Variants in AKAP12 observed in about 807,000 individuals in gnomAD.
The protein encoded by AKAP12 is A-kinase anchoring protein 12.
AKAP12 carries 32 observed loss-of-function variants against 79.9 expected under a neutral mutation model. The observed-to-expected ratio is 0.40, with a 90% CI of 0.30 to 0.54. The LOEUF is 0.54. Ranked by LOEUF, AKAP12 falls within the 20% of genes least tolerant of loss-of-function variation. The pLI is 0.48. For synonymous variants in AKAP12, 808 were observed against 857.0 expected (o/e 0.94, Z 1.00); for missense variants, 2,074 against 2,177.0 (o/e 0.95, Z 0.94).
chr6:151,326,963 C>T (rs1466353928), intron 3 of AKAP12, among the ~76,000 whole-genome samples: 1 of 152,096 alleles, frequency 6.6e-6, no homozygotes, highest in Non-Finnish European at 1.5e-5. Flanking sequence ...GTTACAGGCA[C>T]GTGCCACCAC....
chr6:151,305,698 T>C, intron 2 of AKAP12, 49 bp from the exon 3 acceptor site: 1 of 1,537,918 alleles, frequency 6.5e-7, no homozygotes, highest in Non-Finnish European at 8.8e-7. Context: ...GTTTCTGACT[T>C]GGTCATGAGG....
At chr6:151,289,545 G>T (rs1003841397) in intron 2 of AKAP12, among the ~76,000 whole-genome samples, 1 of 152,292 alleles carries the variant, frequency 6.6e-6, no homozygotes, top group East Asian at 1.9e-4. Context: ...CTCGTACATA[G>T]TCACTTCTTA....
chr6:151,353,394 G>C lies in AKAP12; in HGVS notation c.5003G>C (p.Gly1668Ala). 6.2e-7 allele frequency: 1 copy of C among 1,614,200 alleles called. No individual in the cohort carries two copies. The highest frequency in any genetic ancestry group is 8.5e-7 in the Non-Finnish European group (1 of 1,180,028). Residue 1668 changes from glycine to alanine, a missense_variant, in exon 4 of 5, where the codon GGT (glycine) becomes GCT (alanine). Coordinates refer to ENST00000402676, the MANE Select transcript of AKAP12 (RefSeq NM_005100.4). ...GTCCTCCCATCTGAGGAAGAGGGAG[G>C]TGGAGCTGGAACAAAGTCTGTGCCA... is the stretch of plus-strand genomic sequence containing the variant. ...EVVLPSEEEG[G>A]GAGTKSVPED...
At position 151,349,819 on chromosome 6, in the gene AKAP12, T is replaced by C; in HGVS notation, c.1428T>C (p.Pro476=). 6.2e-7 allele frequency: 1 copy of C among 1,614,096 alleles called. No homozygotes were observed. The highest frequency in any genetic ancestry group is 1.7e-5 in the Admixed American group (1 of 60,014). ...LKETCVSGED[P]TQGADLSPDE... ...AAACGTGTGTTTCCGGAGAGGACCC[T>C]ACACAGGGAGCTGACCTCAGTCCTG... Residue 476 remains proline, a synonymous_variant, in exon 4 of 5, where the codon CCT becomes CCC. Transcript: ENST00000402676.
At position 151,350,751 on chromosome 6, in the gene AKAP12, C is replaced by G; in HGVS notation, c.2360C>G (p.Ser787Cys). Reference protein sequence around the residue: ...EEKSEDSIAGSGVEHSTPDTE... With the variant: ...EEKSEDSIAGCGVEHSTPDTE... ...AAAAGCGAAGACTCCATAGCTGGGT[C>G]TGGTGTAGAACATTCCACTCCAGAC... Residue 787 changes from serine to cysteine, a missense_variant, in exon 4 of 5, where the codon TCT (serine) becomes TGT (cysteine). Ser to Cys is a moderately radical substitution (Grantham distance 112). Transcript: ENST00000402676. This position sits in a 1 kb window ranked among gnomAD's most constrained non-coding sequence, Gnocchi z 4.8. 6.2e-7 allele frequency: 1 copy of G among 1,614,056 alleles called. No individual in the cohort carries two copies. The highest frequency in any genetic ancestry group is 8.5e-7 in the Non-Finnish European group (1 of 1,180,016).
At chr6:151,312,716 C>T (rs970206100) in intron 3 of AKAP12, among the ~76,000 whole-genome samples, 9 of 145,402 alleles carry the variant, frequency 6.2e-5, no homozygotes, top group East Asian at 2.0e-4. Context: ...CGCTTGAATC[C>T]GGGAGCTGGA....
In AKAP12 at chr6:151,350,927, G is replaced by T. The variant is rs758660746; in HGVS notation, c.2536G>T (p.Val846Leu). ...CGAAGATGACTCTGATGTCCCGGCC[G>T]TGGTCCCTCTGTCTGAGTATGATGC... Reference protein sequence around the residue: ...ANEDDSDVPAVVPLSEYDAVE... With the variant: ...ANEDDSDVPALVPLSEYDAVE... The change falls in exon 4 of 5, where the codon GTG becomes TTG. Residue 846 changes from valine (V) to leucine (L), a missense_variant. By Grantham distance (32) the Val-to-Leu change is conservative (BLOSUM62 1). Coordinates refer to ENST00000402676, the MANE Select transcript of AKAP12 (RefSeq NM_005100.4). This position sits in a 1 kb window ranked among gnomAD's most constrained non-coding sequence, Gnocchi z 4.8. 1.2e-6 allele frequency: 2 copies of T among 1,614,058 alleles called. No individual in the cohort carries two copies. The highest frequency in any genetic ancestry group is 2.2e-5 in the South Asian group (2 of 91,066).
At chr6:151,303,454 C>T (rs975197220) in intron 2 of AKAP12, among the ~76,000 whole-genome samples, 1 of 152,216 alleles carries the variant, frequency 6.6e-6, no homozygotes, top group African/African-American at 2.4e-5. Flanking sequence ...GGTATTATTT[C>T]AGGAGGAAGC....
At chr6:151,312,323 AT>A (rs1777124093) in intron 3 of AKAP12, among the ~76,000 whole-genome samples, 1 of 151,666 alleles carries the variant, frequency 6.6e-6, no homozygotes. Flanking sequence ...GTTTAAAAAA[AT>A]TAGCTGGACG....
intron 2 of AKAP12, among the ~76,000 whole-genome samples, chr6:151,240,983 A>G (rs867968458): frequency 1.8e-4 from 27 of 152,248 alleles, no homozygotes; most frequent in African/African-American, 5.8e-4. Flanking sequence ...GCCATGCGCA[A>G]TAATAAAACC....
chr6:151,269,401 AG>A, intron 2 of AKAP12, among the ~76,000 whole-genome samples: 1 of 152,250 alleles, frequency 6.6e-6, no homozygotes, highest in Non-Finnish European at 1.5e-5. Flanking sequence ...TTAGTGGAAA[AG>A]GAACTTCTTT....
At chr6:151,348,031 T>A (rs2114820584) in intron 3 of AKAP12, among the ~76,000 whole-genome samples, 1 of 150,728 alleles carries the variant, frequency 6.6e-6, no homozygotes, top group African/African-American at 2.5e-5. Context: ...AAAAAAAAAA[T>A]TAGCCTCCCT....
At chr6:151,302,674 G>A (rs1281799961) in intron 2 of AKAP12, among the ~76,000 whole-genome samples, 3 of 151,930 alleles carry the variant, frequency 2.0e-5, no homozygotes, top group East Asian at 1.9e-4. Flanking sequence ...ACAATTGACC[G>A]AAGTTTATTG....
At chr6:151,240,765 C>T in intron 2 of AKAP12, 41 bp downstream of exon 2, 1 of 200,434 alleles carries the variant, frequency 5.0e-6, no homozygotes, top group Non-Finnish European at 7.7e-6. Context: ...AGGCGCGGGT[C>T]TTTGGGGGTG....
At chr6:151,281,739 G>A (rs1776411326) in intron 2 of AKAP12, among the ~76,000 whole-genome samples, 1 of 152,116 alleles carries the variant, frequency 6.6e-6, no homozygotes, top group African/African-American at 2.4e-5. Flanking sequence ...CTGTCACCCA[G>A]GCTGGAGTGC....
chr6:151,331,999 G>T (rs1777683895), intron 3 of AKAP12, among the ~76,000 whole-genome samples: 1 of 150,318 alleles, frequency 6.7e-6, no homozygotes, highest in Non-Finnish European at 1.5e-5. Flanking sequence ...AAGTAGCTGG[G>T]ACCCTACTGA....
chr6:151,309,955 G>A (rs2294796), intron 3 of AKAP12, among the ~76,000 whole-genome samples: 36,704 of 150,190 alleles, frequency 0.24, 4,788 homozygotes, highest in Admixed American at 0.34. Flanking sequence ...GGGCAAATCT[G>A]CTTCTACCGA....
intron 3 of AKAP12, among the ~76,000 whole-genome samples, chr6:151,320,816 C>A (rs1777361641): frequency 6.6e-6 from 1 of 152,200 alleles, no homozygotes; most frequent in Admixed American, 6.5e-5. Flanking sequence ...CTATAGTCTT[C>A]AGAACCAGCA....
chr6:151,296,234 A>G (rs1014150279), intron 2 of AKAP12, among the ~76,000 whole-genome samples: 5 of 152,130 alleles, frequency 3.3e-5, no homozygotes, highest in African/African-American at 1.2e-4. Flanking sequence ...CACTACAATC[A>G]TGCCCACCCC....
Sources: gnomAD v4.1 joint callset for allele counts (sites outside exome capture counted in the v4.1 genomes callset) on GRCh38, gnomAD v4.1.1 for gene constraint, Gnocchi (gnomAD v3.1) non-coding constraint, MANE v1.5 for transcripts, NCBI Gene and HGNC (gene_info 2026-07-23, HGNC 2026-07-21) for gene names.